The following ADAMTS17 variants were observed in gnomAD, a reference collection of about 807,000 sequenced individuals.
ADAMTS17 encodes the protein ADAM metallopeptidase with thrombospondin type 1 motif 17, also known as A disintegrin and metalloproteinase with thrombospondin motifs 17.
In ADAMTS17, 113 loss-of-function variants were observed where a neutral mutation model predicts 141.5. The ratio of observed to expected loss-of-function variants is 0.80; its 90% CI spans 0.69 to 0.93. ADAMTS17 has a LOEUF of 0.93. Among genes scored for constraint, ADAMTS17 ranks in the 40% least tolerant of loss-of-function variants. The probability of loss-of-function intolerance (pLI) is 0.00; values close to 1 mark genes in which losing one functional copy is unlikely to be tolerated. For synonymous variants in ADAMTS17, 768 were observed against 630.6 expected (o/e 1.22, Z -3.27); for missense variants, 1,659 against 1,517.9 (o/e 1.09, Z -1.54).
At position 100,110,844 on chromosome 15, in the gene ADAMTS17, T is replaced by C. The variant is rs183536315; in HGVS notation, c.1889-1728A>G. 1.8e-3 allele frequency among the ~76,000 whole-genome samples: 279 copies of C among 152,274 alleles called. 1 individual carries two copies. Among genetic ancestry groups the C allele is most frequent in the African/African-American group, 6.5e-3 (272 of 41,568 alleles). ...TGAGCCGACCTGGCCTCGGACGACC[T>C]TGGCATCCCACCTGCAGAGTTCCTG... On this transcript the variant is annotated intron_variant, in intron 13 of 21. Coordinates refer to ENST00000268070, the MANE Select transcript of ADAMTS17 (RefSeq NM_139057.4).
At chr15:100,251,414 G>A (rs541501956) in intron 7 of ADAMTS17, among the ~76,000 whole-genome samples, 1 of 152,218 alleles carries the variant, frequency 6.6e-6, no homozygotes, top group African/African-American at 2.4e-5. Flanking sequence ...TATAGGTAGA[G>A]AGAGGACCTT....
intron 2 of ADAMTS17, among the ~76,000 whole-genome samples, chr15:100,331,658 T>C (rs952567582): frequency 6.6e-6 from 1 of 152,154 alleles, no homozygotes; most frequent in Non-Finnish European, 1.5e-5. Flanking sequence ...CAACATCCCC[T>C]TCTCCTGGGA....
At chr15:100,058,582 A>G (rs1238092655) in intron 15 of ADAMTS17, among the ~76,000 whole-genome samples, 1 of 151,934 alleles carries the variant, frequency 6.6e-6, no homozygotes, top group Non-Finnish European at 1.5e-5. Context: ...GACGGTTATA[A>G]GACCATCCTC....
At chr15:99,992,081 T>G (rs952583038) in intron 20 of ADAMTS17, among the ~76,000 whole-genome samples, 3 of 152,150 alleles carry the variant, frequency 2.0e-5, no homozygotes, top group Non-Finnish European at 4.4e-5. Context: ...ATCTGGGGCT[T>G]AAAACCTAGA....
intron 14 of ADAMTS17, 112 bp downstream of exon 14, chr15:100,108,877 A>C: frequency 6.3e-7 from 1 of 1,580,066 alleles, no homozygotes; most frequent in South Asian, 1.1e-5. Context: ...CCTTCCTAAG[A>C]AAATCCACTC....
intron 2 of ADAMTS17, among the ~76,000 whole-genome samples, chr15:100,332,355 G>A (rs1204924349): frequency 6.6e-6 from 1 of 152,248 alleles, no homozygotes. Flanking sequence ...TGCGGCCTCG[G>A]TGCAGAACAC....
At chr15:100,100,941 C>T (rs936243224) in intron 14 of ADAMTS17, among the ~76,000 whole-genome samples, 1 of 152,102 alleles carries the variant, frequency 6.6e-6, no homozygotes, top group African/African-American at 2.4e-5. Context: ...AGCCCTCCCC[C>T]GGAATGACCC....
intron 8 of ADAMTS17, among the ~76,000 whole-genome samples, chr15:100,156,671 G>A (rs909460223): frequency 2.0e-5 from 3 of 152,218 alleles, no homozygotes; most frequent in African/African-American, 7.2e-5. Flanking sequence ...CCAAGTTGTT[G>A]TTCTCATGAA....
chr15:100,051,495 C>T (rs201471122), intron 17 of ADAMTS17, 77 bp downstream of exon 17: 21 of 1,597,258 alleles, frequency 1.3e-5, no homozygotes, highest in South Asian at 6.6e-5. Flanking sequence ...TCACACTCTG[C>T]GTGCTGGCCA....
chr15:100,269,490 T>C (rs1012436717), intron 4 of ADAMTS17, among the ~76,000 whole-genome samples: 13 of 152,198 alleles, frequency 8.5e-5, no homozygotes, highest in Admixed American at 3.3e-4. Flanking sequence ...CATCTATTGC[T>C]GTATTCATTG....
Position 100,116,132 on chromosome 15 carries a change from T to TAAAAAAAAAAAAA in ADAMTS17, c.1888+702_1888+714dup, listed in dbSNP as rs34003703. 1.7e-3 allele frequency among the ~76,000 whole-genome samples: 147 copies of TAAAAAAAAAAAAA among 84,746 alleles called. 3 individuals are homozygous for TAAAAAAAAAAAAA. The highest frequency in any genetic ancestry group is 5.0e-3 in the African/African-American group (106 of 21,266). 55.6% of individuals were successfully genotyped at this position (84,746 alleles called of 152,430 possible). ...TTTCCTAAAGAAGAACAGTTTTAGGTAAAAAAAAAAAAAAAAAAAAAAAAA... is the reference window on the plus strand; with the variant it reads ...TTTCCTAAAGAAGAACAGTTTTAGGTAAAAAAAAAAAAAAAAAAAAAAAAAAAAAAAAAAAAAA... On this transcript the variant is annotated intron_variant, in intron 13 of 21. Transcript: ENST00000268070.
At chr15:99,981,044 A>G (rs948269046) in intron 20 of ADAMTS17, among the ~76,000 whole-genome samples, 1 of 152,222 alleles carries the variant, frequency 6.6e-6, no homozygotes, top group East Asian at 1.9e-4. Flanking sequence ...GCACGGGTCC[A>G]CGTCTTGCTC....
intron 7 of ADAMTS17, among the ~76,000 whole-genome samples, chr15:100,229,441 C>T (rs2141838657): frequency 1.3e-5 from 2 of 152,294 alleles, no homozygotes; most frequent in South Asian, 4.1e-4. Flanking sequence ...GTCCATGGGA[C>T]AATCACTCTT....
At chr15:100,341,772 A>G in intron 1 of ADAMTS17, 49 bp downstream of exon 1, 1 of 1,535,320 alleles carries the variant, frequency 6.5e-7, no homozygotes, top group Non-Finnish European at 8.8e-7. Context: ...CGCAGAGGGA[A>G]GGTAGCCGCA....
chr15:100,308,223 G>A (rs1016618268), intron 3 of ADAMTS17, among the ~76,000 whole-genome samples: 16 of 152,274 alleles, frequency 1.1e-4, no homozygotes, highest in African/African-American at 2.6e-4. Flanking sequence ...AGGCTTGATC[G>A]TCCAGCCTTG....
chr15:100,184,832 C>G (rs1038660347), intron 8 of ADAMTS17, among the ~76,000 whole-genome samples: 1 of 152,154 alleles, frequency 6.6e-6, no homozygotes, highest in African/African-American at 2.4e-5. Context: ...TTCCAGAGCT[C>G]TGGGATCTGT....
intron 20 of ADAMTS17, among the ~76,000 whole-genome samples, chr15:99,981,325 T>C (rs548072586): frequency 2.0e-5 from 3 of 152,334 alleles, no homozygotes; most frequent in African/African-American, 7.2e-5. Context: ...AGGTGTCTGT[T>C]CTCACTGTTC....
intron 7 of ADAMTS17, among the ~76,000 whole-genome samples, chr15:100,236,809 G>A (rs1319157774): frequency 6.6e-6 from 1 of 152,142 alleles, no homozygotes; most frequent in African/African-American, 2.4e-5. Flanking sequence ...CTGCACTCCA[G>A]TCTGGGCAAC....
At chr15:99,995,541 C>G (rs2060784777) in intron 19 of ADAMTS17, among the ~76,000 whole-genome samples, 1 of 152,200 alleles carries the variant, frequency 6.6e-6, no homozygotes, top group Non-Finnish European at 1.5e-5. Context: ...AAGCTGAGGA[C>G]AGGAGAAACG....
Sources: gnomAD v4.1 joint callset for allele counts (sites outside exome capture counted in the v4.1 genomes callset) on GRCh38, gnomAD v4.1.1 for gene constraint, MANE v1.5 for transcripts, NCBI Gene and HGNC (gene_info 2026-07-23, HGNC 2026-07-21) for gene names.